The following COL4A4 variants were observed in gnomAD, a reference collection of about 807,000 sequenced individuals.
COL4A4 encodes the protein collagen type IV alpha 4 chain, also known as collagen alpha-4(IV) chain.
COL4A4 carries 105 observed loss-of-function variants against 192.9 expected under a neutral mutation model. The ratio of observed to expected loss-of-function variants is 0.54; its 90% CI spans 0.46 to 0.64. COL4A4 has a LOEUF of 0.64. Among genes scored for constraint, COL4A4 ranks in the 30% least tolerant of loss-of-function variants. The probability of loss-of-function intolerance (pLI) is 0.00; values close to 1 mark genes in which losing one functional copy is unlikely to be tolerated. For synonymous variants in COL4A4, 762 were observed against 769.9 expected, an observed-to-expected ratio of 0.99 and a Z score of 0.17; for missense variants, 1,967 against 2,169.3, an observed-to-expected ratio of 0.91 and a Z score of 1.85.
At chr2:227,016,795 G>A (rs1964969421) in intron 44 of COL4A4, among the ~76,000 whole-genome samples, 1 of 152,150 alleles carries the variant, frequency 6.6e-6, no homozygotes, top group South Asian at 2.1e-4. Flanking sequence ...TTATGCTTTT[G>A]TGCTCCCAGG....
chr2:227,017,606 G>A (rs1356386046), intron 44 of COL4A4, among the ~76,000 whole-genome samples: 1 of 152,188 alleles, frequency 6.6e-6, no homozygotes, highest in Non-Finnish European at 1.5e-5. Context: ...AGGAAAAGTT[G>A]TAGATCAAAG....
chr2:227,001,829 T>TATC (rs562009532), downstream of COL4A4, among the ~76,000 whole-genome samples: 2 of 152,168 alleles, frequency 1.3e-5, no homozygotes, highest in South Asian at 2.1e-4. Context: ...CTTATTTCTC[T>TATC]ATCAGGTAAA....
rs779769090 is a variant in COL4A4, at chr2:227,012,187, C to G, written c.4327G>C (p.Gly1443Arg). 2.5e-5 allele frequency: 40 copies of G among 1,612,666 alleles called. 3 individuals are homozygous for G. In the South Asian group the frequency reaches 4.4e-4, roughly 18 times the overall value. ...GDTGEDGYPG[G>R]PGPPGPIGDP... ...GGAGTGACTGAAACTCTACCTGGTCCTCCAGGGTAGCCGTCTTCTCCTGTG... is the reference window on the plus strand; with the variant it reads ...GGAGTGACTGAAACTCTACCTGGTCGTCCAGGGTAGCCGTCTTCTCCTGTG... Residue 1443 changes from glycine to arginine, a missense_variant, in exon 45 of 48, where the codon GGA (glycine) becomes CGA (arginine). Physicochemically the swap from Gly to Arg is moderately radical, Grantham distance 125. Transcript: ENST00000396625.
intron 35 of COL4A4, 113 bp downstream of exon 35, chr2:227,047,362 T>C: frequency 1.3e-6 from 1 of 784,202 alleles, no homozygotes; most frequent in Non-Finnish European, 2.2e-6. Context: ...TATACCTTAA[T>C]GCACAAAGGG....
At chr2:226,981,559 T>C in the COL4A4 span, among the ~76,000 whole-genome samples, 2 of 102,830 alleles carry the variant, frequency 1.9e-5, no homozygotes, top group African/African-American at 1.2e-4. Context: ...CTCATCCACA[T>C]GCACACACAT....
intron 46 of COL4A4, 48 bp from the exon 47 acceptor site, chr2:227,008,352 G>A (rs747811319): frequency 6.3e-7 from 1 of 1,596,266 alleles, no homozygotes; most frequent in Admixed American, 1.7e-5. Context: ...CCCCATGTAG[G>A]TGTTCCCAGA....
the COL4A4 span, among the ~76,000 whole-genome samples, chr2:226,968,274 G>A: frequency 6.6e-6 from 1 of 152,188 alleles, no homozygotes; most frequent in Non-Finnish European, 1.5e-5. Flanking sequence ...TATATTAAGA[G>A]CTATTATTGC....
chr2:226,971,129 C>T, the COL4A4 span, among the ~76,000 whole-genome samples: 4 of 152,178 alleles, frequency 2.6e-5, no homozygotes, highest in African/African-American at 9.6e-5. Context: ...GGAACATTTT[C>T]ATGGGCCTTT....
intron 4 of COL4A4, among the ~76,000 whole-genome samples, chr2:227,138,445 AAC>A (rs1174868759): frequency 2.6e-5 from 4 of 152,122 alleles, no homozygotes; most frequent in Non-Finnish European, 5.9e-5. Context: ...CATCCTGGCT[AAC>A]ACAGTGAAAT....
At chr2:227,055,066 A>T (rs1042236385) in intron 30 of COL4A4, among the ~76,000 whole-genome samples, 3 of 152,170 alleles carry the variant, frequency 2.0e-5, no homozygotes, top group Admixed American at 6.5e-5. Context: ...CTGGGATTAT[A>T]GGTGTGAGCC....
chr2:227,033,700 T>C (rs1035416104), intron 37 of COL4A4, among the ~76,000 whole-genome samples: 1 of 152,230 alleles, frequency 6.6e-6, no homozygotes, highest in Non-Finnish European at 1.5e-5. Context: ...ACACAAACAT[T>C]TCTTTGGTTT....
chr2:226,984,458 G>A, the COL4A4 span, among the ~76,000 whole-genome samples: 5 of 152,112 alleles, frequency 3.3e-5, 1 homozygote, highest in East Asian at 3.9e-4. Context: ...ATGCCATCAC[G>A]GGGGCTCCAC....
At position 227,031,041 on chromosome 2, in the gene COL4A4, A is replaced by AGATGGATG. The variant is rs58038992; in HGVS notation, c.3818-451_3818-444dup. Among the ~76,000 whole-genome samples, 1,191 of 146,334 alleles carry AGATGGATG rather than the reference A, an allele frequency of 8.1e-3. 13 individuals are homozygous for AGATGGATG. Among genetic ancestry groups the AGATGGATG allele is most frequent in the African/African-American group, 0.02 (797 of 38,938 alleles). ...TATGTGGATAGATGGTTGGATGGAC[A>AGATGGATG]GATGGATGGATGGATGGATGGATGG... On this transcript the variant is annotated intron_variant, in intron 40 of 47. Coordinates refer to ENST00000396625, the MANE Select transcript of COL4A4 (RefSeq NM_000092.5).
the COL4A4 span, among the ~76,000 whole-genome samples, chr2:226,990,153 C>T: frequency 6.6e-6 from 1 of 152,178 alleles, no homozygotes; most frequent in Non-Finnish European, 1.5e-5. Flanking sequence ...TGTCTTTAAG[C>T]ATCTCCCCTT....
chr2:226,983,353 G>A, the COL4A4 span, among the ~76,000 whole-genome samples: 2 of 152,120 alleles, frequency 1.3e-5, no homozygotes, highest in East Asian at 3.8e-4. Flanking sequence ...CGGGAATGTG[G>A]CACGGAAGTA....
chr2:227,040,377 C>T (rs992443304), intron 37 of COL4A4, among the ~76,000 whole-genome samples: 2 of 152,044 alleles, frequency 1.3e-5, no homozygotes, highest in African/African-American at 4.8e-5. Flanking sequence ...ATTCATTCTC[C>T]TATTTGTCCA....
intron 44 of COL4A4, among the ~76,000 whole-genome samples, chr2:227,013,672 G>T (rs1245277161): frequency 3.3e-5 from 5 of 152,236 alleles, no homozygotes; most frequent in Non-Finnish European, 7.3e-5. Flanking sequence ...ATTGTCTGTT[G>T]TTTAAGCCAC....
At chr2:227,083,309 T>C (rs2059419283) in intron 22 of COL4A4, among the ~76,000 whole-genome samples, 1 of 152,002 alleles carries the variant, frequency 6.6e-6, no homozygotes, top group Non-Finnish European at 1.5e-5. Context: ...AGAAACACTA[T>C]ACAGAGCCCA....
rs1444994654 is a variant in COL4A4, at chr2:227,065,324, G to C, written c.1988-2726C>G. 2.6e-5 allele frequency among the ~76,000 whole-genome samples: 4 copies of C among 152,250 alleles called. No homozygotes were observed. The East Asian group carries it at 5.8e-4, about 22-fold the overall frequency. On this transcript the variant is annotated intron_variant, in intron 25 of 47. Coordinates refer to ENST00000396625, the MANE Select transcript of COL4A4 (RefSeq NM_000092.5). ...GGGAGGGGCGCCCGCCATTGCCCAGGCTTGATTAGGTAAACAAAGCAGCCC... is the reference window on the plus strand; with the variant it reads ...GGGAGGGGCGCCCGCCATTGCCCAGCCTTGATTAGGTAAACAAAGCAGCCC...
Sources: gnomAD v4.1 joint callset for allele counts (sites outside exome capture counted in the v4.1 genomes callset) on GRCh38, gnomAD v4.1.1 for gene constraint, MANE v1.5 for transcripts, NCBI Gene and HGNC (gene_info 2026-07-23, HGNC 2026-07-21) for gene names.